Variants in KIF9 observed in about 807,000 individuals in gnomAD.
KIF9 encodes kinesin-like protein KIF9.
A neutral mutation model predicts 94.8 loss-of-function variants in KIF9; 68 were observed. The observed-to-expected ratio is 0.72, with a 90% CI of 0.59 to 0.88. The LOEUF (loss-of-function observed/expected upper bound fraction) is 0.88. KIF9 is among the 40% of genes least tolerant of loss of function. KIF9 has a pLI of 0.00. For synonymous variants in KIF9, 343 were observed against 362.1 expected, an observed-to-expected ratio of 0.95 and a Z score of 0.60; for missense variants, 882 against 982.5, an observed-to-expected ratio of 0.90 and a Z score of 1.37.
intron 10 of KIF9, among the ~76,000 whole-genome samples, chr3:47,251,781 C>T (rs930533597): frequency 1.3e-5 from 2 of 152,206 alleles, no homozygotes; most frequent in African/African-American, 4.8e-5. Context: ...AGTGTATCTT[C>T]TCTTGGCAGA....
intron 10 of KIF9, 66 bp from the exon 11 acceptor site, chr3:47,248,152 TC>T: frequency 8.5e-7 from 1 of 1,176,584 alleles, no homozygotes; most frequent in Non-Finnish European, 1.3e-6. Context: ...CCCTGTCTCT[TC>T]CACAGCAAAA....
intron 10 of KIF9, among the ~76,000 whole-genome samples, chr3:47,248,476 C>A (rs535807928): frequency 6.6e-6 from 1 of 152,064 alleles, no homozygotes; most frequent in East Asian, 1.9e-4. Context: ...GAGTTTTGCT[C>A]TTGTCGCCCG....
chr3:47,234,044 T>C lies in KIF9; in HGVS notation c.2322+1469A>G, dbSNP rs117783585. On this transcript the variant is annotated intron_variant, in intron 20 of 20. Transcript: ENST00000684063. ...GTTGCAGTGAGGTGAGGACACGCCA[T>C]TGCACTCCAGCCTGGGCAATAAGAG... 5.6e-3 allele frequency among the ~76,000 whole-genome samples: 847 copies of C among 149,922 alleles called. 70 individuals are homozygous for C. In the East Asian group the frequency reaches 0.15, roughly 26 times the overall value.
In KIF9 at chr3:47,244,829, C is replaced by A; in HGVS notation, c.1476G>T (p.Lys492Asn). Reference protein sequence around the residue: ...GVAPFSTKPGKKAKSKKTFKE... With the variant: ...GVAPFSTKPGNKAKSKKTFKE... ...TGAATGTCTTCTTGGACTTGGCTTT[C>A]TTCCCAGGTTTGGTAGAGAAAGGGG... is the stretch of plus-strand genomic sequence containing the variant. Residue 492 changes from lysine to asparagine, a missense_variant, in exon 15 of 21, where the codon AAG becomes AAT. Lys to Asn is a moderately conservative substitution (Grantham distance 94). Coordinates refer to ENST00000684063, the MANE Select transcript of KIF9 (RefSeq NM_182902.4). 1 of 1,614,170 alleles carries A rather than the reference C, an allele frequency of 6.2e-7. No individual in the cohort carries two copies. The highest frequency in any genetic ancestry group is 8.5e-7 in the Non-Finnish European group (1 of 1,180,032).
chr3:47,244,962 T>C, intron 14 of KIF9, 38 bp from the exon 15 acceptor site: 1 of 1,612,180 alleles, frequency 6.2e-7, no homozygotes, highest in South Asian at 1.1e-5. Flanking sequence ...GTGAGTTAGA[T>C]TAAGGGCTTG....
intron 10 of KIF9, among the ~76,000 whole-genome samples, chr3:47,250,853 C>G (rs1700229843): frequency 6.6e-6 from 1 of 152,178 alleles, no homozygotes; most frequent in African/African-American, 2.4e-5. Context: ...CCCCACTGGC[C>G]CTCTCCCAGA....
rs530029723 is a variant in KIF9 at position 47,246,331 on chromosome 3, T to C, written c.1234-79A>G. ...GGGGGCATCTATGTTAGTAGAGAAA[T>C]CAAGACCCCTTGGCTGACCCCTGGA... On this transcript the variant is annotated intron_variant, in intron 12 of 20. Transcript: ENST00000684063. The C allele has an allele frequency of 3.3e-6, 4 of 1,198,010 alleles. No individual in the cohort carries two copies. In the South Asian group the frequency reaches 5.8e-5, roughly 17 times the overall value. The allele number at this position is 1,198,010 out of a possible 1,614,324, so 74.2% of individuals were successfully genotyped here. A position where few individuals can be genotyped will look rare whatever the true frequency, so the allele number is the denominator to read the frequency against.
chr3:47,263,261 G>A (rs1475824212), intron 9 of KIF9, among the ~76,000 whole-genome samples: 2 of 152,162 alleles, frequency 1.3e-5, no homozygotes, highest in African/African-American at 4.8e-5. Flanking sequence ...CCAAGCTGGA[G>A]GTGCTCAGCT....
chr3:47,277,427 C>G (rs1197249904), intron 1 of KIF9, 48 bp from the exon 2 acceptor site: 1 of 1,257,374 alleles, frequency 8.0e-7, no homozygotes, highest in East Asian at 2.3e-5. Context: ...TATCAAATAA[C>G]AAGTAGAGGA....
intron 3 of KIF9, 34 bp downstream of exon 3, chr3:47,275,291 C>T: frequency 1.3e-6 from 2 of 1,508,952 alleles, no homozygotes; most frequent in Non-Finnish European, 1.8e-6. Context: ...TCCTCAGGTT[C>T]TTACATAAGA....
chr3:47,236,271 C>T lies in KIF9; in HGVS notation c.2102-122G>A, dbSNP rs1699019473. 8.1e-6 allele frequency: 8 copies of T among 989,724 alleles called. No individual in the cohort carries two copies. The East Asian group carries it at 2.0e-4, about 25-fold the overall frequency. 61.3% of individuals were successfully genotyped at this position (989,724 alleles called of 1,614,324 possible). A position where few individuals can be genotyped will look rare whatever the true frequency, so the allele number is the denominator to read the frequency against. Reference sequence around the variant, plus strand: ...TCCTGCTCCAAGGTCTTACCCTGTCCCCATCTCCATCTCTGGCCCTCACAG... The same window carrying T: ...TCCTGCTCCAAGGTCTTACCCTGTCTCCATCTCCATCTCTGGCCCTCACAG... On this transcript the variant is annotated intron_variant, in intron 18 of 20. Coordinates refer to ENST00000684063, the MANE Select transcript of KIF9 (RefSeq NM_182902.4).
intron 10 of KIF9, among the ~76,000 whole-genome samples, chr3:47,252,600 A>C (rs969948310): frequency 1.3e-5 from 2 of 152,116 alleles, no homozygotes; most frequent in African/African-American, 2.4e-5. Flanking sequence ...CTGTCTAAAA[A>C]ACAATAATAA....
Position 47,241,880 on chromosome 3 carries a change from ATATAT to A in KIF9, c.1710-870_1710-866del, listed in dbSNP as rs201620526. ...TATATATACACATATATATATATAT[ATATAT>A]TTTTTTTTTTTTTTCTTTGGAGACA... On this transcript the variant is annotated intron_variant, in intron 16 of 20. Coordinates refer to ENST00000684063, the MANE Select transcript of KIF9 (RefSeq NM_182902.4). Among the ~76,000 whole-genome samples, 336 of 99,104 alleles carry A rather than the reference ATATAT, an allele frequency of 3.4e-3. 1 individual carries two copies. The highest frequency in any genetic ancestry group is 4.2e-3 in the Non-Finnish European group (220 of 52,376). 65.0% of individuals were successfully genotyped at this position (99,104 alleles called of 152,430 possible). A position where few individuals can be genotyped will look rare whatever the true frequency, so the allele number is the denominator to read the frequency against.
intron 10 of KIF9, among the ~76,000 whole-genome samples, chr3:47,251,745 C>T (rs920532061): frequency 3.3e-5 from 5 of 152,188 alleles, no homozygotes; most frequent in African/African-American, 1.2e-4. Context: ...GGCAGTTTTC[C>T]GATTTTCATC....
In KIF9 at chr3:47,265,773, G is replaced by T. The variant is rs1373611954; in HGVS notation, c.873C>A (p.Pro291=). 1.2e-6 allele frequency: 2 copies of T among 1,614,086 alleles called. No individual in the cohort carries two copies. The highest frequency in any genetic ancestry group is 1.7e-6 in the Non-Finnish European group (2 of 1,180,036). The change falls in exon 8 of 21, where the codon CCC becomes CCA. Residue 291 remains proline (P), a synonymous_variant. Coordinates refer to ENST00000684063, the MANE Select transcript of KIF9 (RefSeq NM_182902.4). ...ALGDQKRDHI[P]FRQCKLTHAL... The stretch of plus-strand genomic sequence containing the variant: ...CGTGGGTGAGCTTGCACTGCCGAAA[G>T]GGGATGTGGTCCCGCTTCTGGTCCC...
intron 10 of KIF9, among the ~76,000 whole-genome samples, chr3:47,253,283 G>A (rs1700381465): frequency 6.6e-6 from 1 of 151,904 alleles, no homozygotes. Flanking sequence ...AGCCTCCCGA[G>A]TAGCTAGGAT....
intron 11 of KIF9, 69 bp from the exon 12 acceptor site, chr3:47,247,546 C>A: frequency 8.0e-7 from 1 of 1,252,792 alleles, no homozygotes; most frequent in Non-Finnish European, 1.2e-6. Flanking sequence ...TGGCAGGGGC[C>A]ATTCTGAGAG....
intron 9 of KIF9, among the ~76,000 whole-genome samples, chr3:47,261,165 T>A (rs910757627): frequency 6.6e-6 from 1 of 152,212 alleles, no homozygotes; most frequent in East Asian, 1.9e-4. Flanking sequence ...AAAATGTGTG[T>A]GTGTGTGCTG....
chr3:47,232,513 G>A (rs377304880), intron 20 of KIF9, among the ~76,000 whole-genome samples: 1 of 151,578 alleles, frequency 6.6e-6, no homozygotes, highest in Admixed American at 6.6e-5. Context: ...TCGAACTCCC[G>A]ACCTTAGGTG....
Sources: allele counts gnomAD v4.1 joint callset (sites outside exome capture counted in the v4.1 genomes callset), GRCh38; gene constraint gnomAD v4.1.1; transcripts MANE v1.5; gene names NCBI Gene and HGNC (gene_info 2026-07-23, HGNC 2026-07-21).